Variants in HSF2 observed in about 807,000 individuals in gnomAD.
The protein encoded by HSF2 is heat shock factor protein 2.
A neutral mutation model predicts 65.0 loss-of-function variants in HSF2; 21 were observed. The ratio of observed to expected loss-of-function variants is 0.32; its 90% confidence interval spans 0.23 to 0.47. The LOEUF (loss-of-function observed/expected upper bound fraction) is 0.47, where lower values mean the gene tolerates loss of function less well. Among genes scored for constraint, HSF2 ranks in the 20% least tolerant of loss-of-function variants. The pLI, the probability that HSF2 is intolerant of heterozygous loss-of-function variation, is 1.00. For missense variants in HSF2, 499 were observed against 628.1 expected (o/e 0.79, Z 2.20); for synonymous variants, 225 against 219.1 (o/e 1.03, Z -0.24).
chr6:122,399,803 C>G lies in HSF2; in HGVS notation c.66C>G (p.His22Gln), dbSNP rs1327269278. 8.1e-6 allele frequency: 13 copies of G among 1,612,228 alleles called. No individual in the cohort carries two copies. Among genetic ancestry groups the G allele is most frequent in the South Asian group, 1.1e-5 (1 of 90,784 alleles). Residue 22 changes from histidine to glutamine, a missense_variant, in exon 1 of 13, where the codon CAC becomes CAG. His to Gln is a conservative substitution (Grantham distance 24, BLOSUM62 0). This residue lies in a region of HSF2 where 150 missense variants were observed against 234.6 expected (regional missense o/e 0.64). Coordinates refer to ENST00000368455, the MANE Select transcript of HSF2 (RefSeq NM_004506.4). ...TGTGGACGCTTGTGGAGGAAACCCA[C>G]ACTAACGAGTTCATCACCTGGAGCC... is the stretch of plus-strand genomic sequence containing the variant. ...SKLWTLVEET[H>Q]TNEFITWSQN...
At chr6:122,403,422 A>G (rs1294028450) in intron 1 of HSF2, among the ~76,000 whole-genome samples, 2 of 152,136 alleles carry the variant, frequency 1.3e-5, no homozygotes, top group African/African-American at 4.8e-5. Context: ...CCTGGGCAAC[A>G]TGGTGAAACC....
At chr6:122,431,664 G>A (rs1774471759) in intron 12 of HSF2, 150 bp downstream of exon 12, 1 of 525,178 alleles carries the variant, frequency 1.9e-6, no homozygotes, top group Non-Finnish European at 3.3e-6. Flanking sequence ...AGTTGAATTG[G>A]TGAGGTAACA....
At position 122,432,157 on chromosome 6, in the gene HSF2, GTTTTA is replaced by G; in HGVS notation, c.1552_1556del (p.Tyr518MetfsTer2). On this transcript the variant is annotated frameshift_variant, in exon 13 of 13. Coordinates refer to ENST00000368455, the MANE Select transcript of HSF2 (RefSeq NM_004506.4). LOFTEE classifies it high-confidence loss of function. The stretch of plus-strand genomic sequence containing the variant: ...AAGCTGAAGCTAGTGAAGCTACACT[GTTTTA>G]TTTATGTGAACTTGCTCCTGCACCT... 1 of 1,614,056 alleles carries G rather than the reference GTTTTA, an allele frequency of 6.2e-7. No homozygotes were observed. The highest frequency in any genetic ancestry group is 8.5e-7 in the Non-Finnish European group (1 of 1,179,956).
intron 3 of HSF2, 149 bp downstream of exon 3, chr6:122,412,913 A>T: frequency 2.8e-6 from 2 of 722,376 alleles, no homozygotes. Flanking sequence ...GTTTCCCTGT[A>T]TTTTTTTCCT....
At chr6:122,417,090 T>G (rs1774143525) in intron 5 of HSF2, among the ~76,000 whole-genome samples, 1 of 152,072 alleles carries the variant, frequency 6.6e-6, no homozygotes, top group Non-Finnish European at 1.5e-5. Flanking sequence ...GGAGAAGGCT[T>G]TAAAGCAGAG....
chr6:122,422,704 T>G lies in HSF2; in HGVS notation c.831-14T>G, dbSNP rs867717077. The G allele has an allele frequency of 6.2e-7, 1 of 1,611,708 alleles. No homozygotes were observed. Among genetic ancestry groups the G allele is most frequent in the Admixed American group, 1.7e-5 (1 of 59,876 alleles). On this transcript the variant is annotated splice_polypyrimidine_tract_variant and intron_variant, in intron 8 of 12. Transcript: ENST00000368455. ...TGAAAATGTAATAGGTTCCTTCTTTTATTGCTGATTTAGCTGTAGCCAGTA... is the reference window on the plus strand; with the variant it reads ...TGAAAATGTAATAGGTTCCTTCTTTGATTGCTGATTTAGCTGTAGCCAGTA...
chr6:122,421,776 A>G (rs949201305), intron 7 of HSF2, among the ~76,000 whole-genome samples: 2 of 152,154 alleles, frequency 1.3e-5, no homozygotes, highest in African/African-American at 2.4e-5. Flanking sequence ...CAATATCCCT[A>G]TCAGCATGGT....
At chr6:122,431,564 C>T in intron 12 of HSF2, 50 bp downstream of exon 12, 3 of 1,034,958 alleles carry the variant, frequency 2.9e-6, no homozygotes, top group Non-Finnish European at 4.4e-6. Flanking sequence ...TAATCCTATG[C>T]AGAAACAAGT....
chr6:122,414,942 A>T (rs901809276), intron 4 of HSF2, among the ~76,000 whole-genome samples: 2 of 152,182 alleles, frequency 1.3e-5, no homozygotes, highest in Non-Finnish European at 2.9e-5. Context: ...TAGTAAGCAG[A>T]TAACAACATT....
intron 1 of HSF2, among the ~76,000 whole-genome samples, chr6:122,400,539 C>T (rs749558887): frequency 7.2e-5 from 11 of 152,046 alleles, no homozygotes; most frequent in Non-Finnish European, 1.5e-4. Flanking sequence ...GAACAGTTAC[C>T]AGCAGAGGGG....
In HSF2 at chr6:122,432,396, T is replaced by A. The variant is rs539201258; in HGVS notation, c.*176T>A. The A allele has an allele frequency of 1.9e-5, 11 of 579,868 alleles. No homozygotes were observed. The South Asian group carries it at 2.3e-4, about 12-fold the overall frequency. The allele number at this position is 579,868 out of a possible 1,614,324, so 35.9% of individuals were successfully genotyped here. A position where few individuals can be genotyped will look rare whatever the true frequency, so the allele number is the denominator to read the frequency against. On this transcript the variant is annotated 3_prime_UTR_variant, in exon 13 of 13. Transcript: ENST00000368455. ...CACACACTCTTGCAGAGCTTTCAGG[T>A]GTTACTCAGCTGCATAGTTACGCAG...
intron 7 of HSF2, 131 bp from the exon 8 acceptor site, chr6:122,422,019 C>T (rs1774246162): frequency 1.6e-6 from 1 of 627,568 alleles, no homozygotes; most frequent in South Asian, 2.0e-5. Context: ...TCCGTAAGAG[C>T]AGAGAACACA....
intron 7 of HSF2, among the ~76,000 whole-genome samples, chr6:122,421,781 C>T (rs981004964): frequency 4.6e-5 from 7 of 152,064 alleles, no homozygotes; most frequent in African/African-American, 1.7e-4. Flanking sequence ...TCCCTATCAG[C>T]ATGGTGGCTG....
chr6:122,414,516 A>G (rs1241585131), intron 4 of HSF2, among the ~76,000 whole-genome samples: 1 of 152,196 alleles, frequency 6.6e-6, no homozygotes, highest in Non-Finnish European at 1.5e-5. Context: ...TCTTGTGTAT[A>G]CTAGCTGCTC....
intron 3 of HSF2, among the ~76,000 whole-genome samples, chr6:122,413,146 AG>A (rs1774038538): frequency 6.6e-6 from 1 of 151,954 alleles, no homozygotes; most frequent in African/African-American, 2.4e-5. Context: ...AATCTGTAAA[AG>A]GGGTGGACCA....
At position 122,422,102 on chromosome 6, in the gene HSF2, A is replaced by G; in HGVS notation, c.682-48A>G. The G allele has an allele frequency of 2.3e-6, 3 of 1,287,954 alleles. No homozygotes were observed. The East Asian group carries it at 7.0e-5, about 30-fold the overall frequency. 79.8% of individuals were successfully genotyped at this position (1,287,954 alleles called of 1,614,324 possible). A position where few individuals can be genotyped will look rare whatever the true frequency, so the allele number is the denominator to read the frequency against. ...TTTTGTAGATGATATCTTGTTTGGT[A>G]GTCAATGATTTTGATTTTTAGATAT... On this transcript the variant is annotated intron_variant, in intron 7 of 12. Transcript: ENST00000368455.
chr6:122,424,404 T>G (rs774665772), intron 10 of HSF2, among the ~76,000 whole-genome samples: 4 of 152,082 alleles, frequency 2.6e-5, no homozygotes, highest in Non-Finnish European at 5.9e-5. Context: ...CTGGAAAATT[T>G]TGTTGTCTTT....
chr6:122,410,331 G>A (rs997852327), intron 1 of HSF2, among the ~76,000 whole-genome samples: 24 of 151,496 alleles, frequency 1.6e-4, no homozygotes, highest in African/African-American at 5.8e-4. Context: ...TAAAGTTCCT[G>A]TATATTTTTA....
intron 9 of HSF2, 100 bp downstream of exon 9, chr6:122,423,057 C>A: frequency 8.0e-7 from 1 of 1,243,412 alleles, no homozygotes; most frequent in Non-Finnish European, 1.2e-6. Flanking sequence ...GATGATGAAC[C>A]CACATAGTCC....
Sources: gnomAD v4.1 joint callset for allele counts (sites outside exome capture counted in the v4.1 genomes callset) on GRCh38, gnomAD v4.1.1 for gene constraint, gnomAD v4.1.1 regional missense constraint, MANE v1.5 for transcripts, NCBI Gene and HGNC (gene_info 2026-07-23, HGNC 2026-07-21) for gene names.